Variants in SDHAF2 observed in about 807,000 individuals in gnomAD.
The protein encoded by SDHAF2 is succinate dehydrogenase complex assembly factor 2, also known as succinate dehydrogenase assembly factor 2, mitochondrial.
Under a neutral mutation model 18.5 loss-of-function variants are expected in SDHAF2, and 21 were observed. The ratio of observed to expected loss-of-function variants is 1.13; its 90% CI spans 0.80 to 1.63. The LOEUF is 1.63. Among genes scored for constraint, SDHAF2 ranks in the 40% most tolerant of loss-of-function variants. The pLI, the probability that SDHAF2 is intolerant of heterozygous loss-of-function variation, is 0.00. For missense variants in SDHAF2, 195 were observed against 200.3 expected (o/e 0.97, Z 0.16); for synonymous variants, 84 against 70.7 (o/e 1.19, Z -0.94).
intron 3 of SDHAF2, among the ~76,000 whole-genome samples, chr11:61,440,135 C>T (rs1340807115): frequency 6.6e-6 from 1 of 151,352 alleles, no homozygotes; most frequent in Admixed American, 6.6e-5. Context: ...GCCAGCATGA[C>T]AATACCCCGT....
intron 3 of SDHAF2, among the ~76,000 whole-genome samples, chr11:61,445,140 G>A (rs1282670451): frequency 1.3e-5 from 2 of 152,162 alleles, no homozygotes; most frequent in Admixed American, 6.6e-5. Context: ...CTCTCCTGGC[G>A]TCGTACCTAG....
chr11:61,446,174 C>A lies in SDHAF2; in HGVS notation c.*103C>A. 7.7e-7 allele frequency: 1 copy of A among 1,300,498 alleles called. No individual in the cohort carries two copies. The allele number at this position is 1,300,498 out of a possible 1,614,324, so 80.6% of individuals were successfully genotyped here. ...GCTTCTTAGATGCCCAGCTGCCCTA[C>A]CCCAGACCACTGGTCCTGCCTCAAG... On this transcript the variant is annotated 3_prime_UTR_variant, in exon 4 of 4. Transcript: ENST00000301761.
At chr11:61,436,695 G>A (rs536526278) in intron 1 of SDHAF2, 34 of 388,710 alleles carry the variant, frequency 8.7e-5, no homozygotes, top group African/African-American at 6.9e-4. Context: ...TGCTGGATTC[G>A]ATGCAGCTGG....
chr11:61,441,258 C>T (rs533938407), intron 3 of SDHAF2, among the ~76,000 whole-genome samples: 24 of 152,180 alleles, frequency 1.6e-4, no homozygotes, highest in African/African-American at 5.5e-4. Context: ...CTCAACCAGA[C>T]GCGGTGGCTC....
Position 61,437,838 on chromosome 11 carries a change from A to T in SDHAF2, c.250A>T (p.Ile84Phe). The change falls in exon 2 of 4, where the codon ATT (isoleucine) becomes TTT (phenylalanine). Residue 84 changes from isoleucine (I) to phenylalanine (F), a missense_variant. By Grantham distance (21) the Ile-to-Phe change is conservative (BLOSUM62 0). Coordinates refer to ENST00000301761, the MANE Select transcript of SDHAF2 (RefSeq NM_017841.4). ...AAAGAGGGGAATGTTGGAAAACTGC[A>T]TTCTTCTTAGGTATGGGACTAGGAG... Reference protein sequence around the residue: ...SRKRGMLENCILLSLFAKEHL... With the variant: ...SRKRGMLENCFLLSLFAKEHL... 6.2e-7 allele frequency: 1 copy of T among 1,613,566 alleles called. No homozygotes were observed. Among genetic ancestry groups the T allele is most frequent in the Non-Finnish European group, 8.5e-7 (1 of 1,179,898 alleles).
At chr11:61,443,814 A>C (rs3018734) in intron 3 of SDHAF2, among the ~76,000 whole-genome samples, 2 of 151,624 alleles carry the variant, frequency 1.3e-5, no homozygotes, top group Non-Finnish European at 2.9e-5. Flanking sequence ...TCACTCTGTC[A>C]CCCAGACTGG....
chr11:61,430,342 G>T, intron 1 of SDHAF2, 160 bp downstream of exon 1: 4 of 844,600 alleles, frequency 4.7e-6, no homozygotes, highest in Non-Finnish European at 7.8e-6. Flanking sequence ...GGAAATAAAG[G>T]TCGCTTCCAT....
At chr11:61,439,343 G>A (rs1421644264) in intron 3 of SDHAF2, among the ~76,000 whole-genome samples, 1 of 152,192 alleles carries the variant, frequency 6.6e-6, no homozygotes, top group African/African-American at 2.4e-5. Context: ...GTGTGTGGAA[G>A]TGCATACCCC....
chr11:61,445,985 C>A lies in SDHAF2; in HGVS notation c.415C>A (p.Leu139Met), dbSNP rs1565130851. 6.2e-7 allele frequency: 1 copy of A among 1,614,032 alleles called. No individual in the cohort carries two copies. Among genetic ancestry groups the A allele is most frequent in the Non-Finnish European group, 8.5e-7 (1 of 1,180,036 alleles). ...PEIFENEVMA[L>M]LRDFAKNKNK... ...AATATTTGAAAATGAAGTCATGGCC[C>A]TGCTGAGAGACTTTGCTAAAAACAA... Residue 139 changes from leucine (L) to methionine (M), a missense_variant, in exon 4 of 4, where the codon CTG (leucine) becomes ATG (methionine). Leu to Met is a conservative substitution (Grantham distance 15). Coordinates refer to ENST00000301761, the MANE Select transcript of SDHAF2 (RefSeq NM_017841.4).
At chr11:61,440,084 G>A (rs755518856) in intron 3 of SDHAF2, among the ~76,000 whole-genome samples, 2 of 152,148 alleles carry the variant, frequency 1.3e-5, no homozygotes, top group Non-Finnish European at 2.9e-5. Flanking sequence ...GGAAGCCGAG[G>A]CAGGTGGATC....
chr11:61,432,549 G>C (rs1214276507), intron 1 of SDHAF2: 1 of 152,158 alleles, frequency 6.6e-6, no homozygotes, highest in Non-Finnish European at 1.5e-5. Context: ...TTGGTTGAGT[G>C]TGCAGTTGGT....
At chr11:61,438,632 A>G (rs1487965266) in intron 3 of SDHAF2, among the ~76,000 whole-genome samples, 3 of 152,224 alleles carry the variant, frequency 2.0e-5, no homozygotes, top group African/African-American at 7.2e-5. Context: ...GTCTCACTTA[A>G]GCAAAAAGGA....
In SDHAF2 at chr11:61,437,648, C is replaced by G; in HGVS notation, c.60C>G (p.Ser20Arg). ...AGATGCTTGCTCTGTCAAGGCACAG[C>G]CTATTGTCTCCTTTGCTCAGTGTGA... ...SSLMLALSRH[S>R]LLSPLLSVTS... Residue 20 changes from serine (S) to arginine (R), a missense_variant, in exon 2 of 4, where the codon AGC becomes AGG. Ser to Arg is a moderately radical substitution (Grantham distance 110, BLOSUM62 -1). Coordinates refer to ENST00000301761, the MANE Select transcript of SDHAF2 (RefSeq NM_017841.4). 6.2e-7 allele frequency: 1 copy of G among 1,614,132 alleles called. No homozygotes were observed. The highest frequency in any genetic ancestry group is 1.7e-4 in the Middle Eastern group (1 of 6,058).
intron 3 of SDHAF2, among the ~76,000 whole-genome samples, chr11:61,440,298 C>A (rs983476171): frequency 9.2e-5 from 14 of 151,738 alleles, no homozygotes; most frequent in African/African-American, 3.2e-4. Context: ...GAGTGAGACT[C>A]TTTCAAAAAA....
At chr11:61,430,240 T>C in intron 1 of SDHAF2, 58 bp downstream of exon 1, 2 of 1,606,848 alleles carry the variant, frequency 1.2e-6, no homozygotes, top group South Asian at 2.2e-5. Flanking sequence ...TTACCCTTTG[T>C]CTTCCTCTGT....
chr11:61,434,017 A>G (rs913448025), intron 1 of SDHAF2: 1 of 152,218 alleles, frequency 6.6e-6, no homozygotes, highest in African/African-American at 2.4e-5. Flanking sequence ...CCTCCCAGGT[A>G]GCTGGGACTA....
chr11:61,445,543 A>G (rs1444857874), intron 3 of SDHAF2, among the ~76,000 whole-genome samples: 1 of 152,242 alleles, frequency 6.6e-6, no homozygotes, highest in Non-Finnish European at 1.5e-5. Context: ...TGTCTGGGGA[A>G]CAATGGAATT....
intron 3 of SDHAF2, among the ~76,000 whole-genome samples, chr11:61,443,735 C>T (rs1862099060): frequency 6.6e-6 from 1 of 152,168 alleles, no homozygotes. Context: ...CCTCAGCCTC[C>T]TGAGTAGCTG....
At chr11:61,436,796 T>C (rs1427832098) in intron 1 of SDHAF2, 1 of 984,300 alleles carries the variant, frequency 1.0e-6, no homozygotes, top group Non-Finnish European at 1.4e-6. Flanking sequence ...GCTCAGTGTC[T>C]CCATCGGGGA....
Sources: gnomAD v4.1 joint callset for allele counts (sites outside exome capture counted in the v4.1 genomes callset) on GRCh38, gnomAD v4.1.1 for gene constraint, MANE v1.5 for transcripts, NCBI Gene and HGNC (gene_info 2026-07-23, HGNC 2026-07-21) for gene names.